The following DPYD variants were observed in gnomAD, a reference collection of about 807,000 sequenced individuals.
The protein encoded by DPYD is dihydropyrimidine dehydrogenase [NADP(+)].
DPYD carries 109 observed loss-of-function variants against 116.2 expected under a neutral mutation model. The observed-to-expected ratio is 0.94, with a 90% confidence interval of 0.80 to 1.10. The LOEUF is 1.10. Ranked by LOEUF, DPYD falls within the 50% of genes least tolerant of loss-of-function variation. The probability of loss-of-function intolerance (pLI) is 0.00; values close to 1 mark genes in which losing one functional copy is unlikely to be tolerated. For missense variants in DPYD, 1,302 were observed against 1,254.5 expected (o/e 1.04, Z -0.57); for synonymous variants, 440 against 432.0 (o/e 1.02, Z -0.23).
At chr1:97,501,469 G>C (rs954498714) in intron 13 of DPYD, among the ~76,000 whole-genome samples, 12 of 151,996 alleles carry the variant, frequency 7.9e-5, no homozygotes, top group African/African-American at 2.7e-4. Flanking sequence ...TGGAAGGCCA[G>C]CACAGGAGGA....
rs1238724137 is a variant in DPYD at position 97,140,942 on chromosome 1, C to A, written c.2623-42310G>T. On this transcript the variant is annotated intron_variant, in intron 20 of 22. Coordinates refer to ENST00000370192, the MANE Select transcript of DPYD (RefSeq NM_000110.4). ...TATAATACTGTTTTTTCCCAATAAT[C>A]AAGTAATTAATTTTTGTGTGATGAC... Among the ~76,000 whole-genome samples, 3 of 152,062 alleles carry A rather than the reference C, an allele frequency of 2.0e-5. No homozygotes were observed. In the East Asian group the frequency reaches 5.8e-4, roughly 29 times the overall value.
At chr1:97,137,946 A>C (rs537848309) in intron 20 of DPYD, among the ~76,000 whole-genome samples, 2 of 152,212 alleles carry the variant, frequency 1.3e-5, no homozygotes, top group Non-Finnish European at 2.9e-5. Context: ...AGTAATACTT[A>C]CATCTTGCTT....
intron 20 of DPYD, among the ~76,000 whole-genome samples, chr1:97,188,756 T>C (rs1391310265): frequency 2.0e-5 from 3 of 152,204 alleles, no homozygotes; most frequent in African/African-American, 7.2e-5. Flanking sequence ...CCATTACTCC[T>C]ACATGGTAGA....
chr1:97,086,045 GTTGTT>G (rs539020913), intron 21 of DPYD, among the ~76,000 whole-genome samples: 50 of 151,834 alleles, frequency 3.3e-4, no homozygotes, highest in African/African-American at 9.2e-4. Flanking sequence ...AAAAGTTGTC[GTTGTT>G]TTGTTTTGTT....
chr1:97,262,167 C>T (rs1281913975), intron 18 of DPYD, among the ~76,000 whole-genome samples: 1 of 151,834 alleles, frequency 6.6e-6, no homozygotes, highest in Non-Finnish European at 1.5e-5. Flanking sequence ...GTGTGAGCTC[C>T]GTAAGGGCAG....
intron 14 of DPYD, among the ~76,000 whole-genome samples, chr1:97,419,817 C>T (rs1270328173): frequency 1.3e-5 from 2 of 152,108 alleles, no homozygotes; most frequent in Non-Finnish European, 2.9e-5. Context: ...TCAAAGAGTG[C>T]ATGTATTCAA....
intron 18 of DPYD, among the ~76,000 whole-genome samples, chr1:97,277,256 T>C (rs1246284235): frequency 6.6e-6 from 1 of 151,696 alleles, no homozygotes; most frequent in Non-Finnish European, 1.5e-5. Context: ...ACTCACTGGG[T>C]ACTAAGCTCA....
chr1:97,661,061 T>C (rs759270415), intron 8 of DPYD, among the ~76,000 whole-genome samples: 1 of 152,212 alleles, frequency 6.6e-6, no homozygotes, highest in Non-Finnish European at 1.5e-5. Context: ...TGAGGTACCA[T>C]GGAAGTTTGA....
intron 7 of DPYD, among the ~76,000 whole-genome samples, chr1:97,689,446 T>A (rs1366564959): frequency 1.3e-5 from 2 of 152,030 alleles, no homozygotes; most frequent in African/African-American, 4.8e-5. Flanking sequence ...TTCTGAACAA[T>A]TATTTGTTGA....
intron 16 of DPYD, chr1:97,322,706 G>T (rs1288926543): frequency 6.6e-6 from 1 of 151,934 alleles, no homozygotes; most frequent in East Asian, 1.9e-4. Flanking sequence ...TAATCTTTCA[G>T]GTGTCAAGGA....
At chr1:97,645,598 A>T (rs1159153335) in intron 8 of DPYD, among the ~76,000 whole-genome samples, 1 of 151,990 alleles carries the variant, frequency 6.6e-6, no homozygotes, top group African/African-American at 2.4e-5. Context: ...CTGTTAATAT[A>T]TGTTTTCATG....
chr1:97,174,474 C>G (rs1480577084), intron 20 of DPYD, among the ~76,000 whole-genome samples: 1 of 152,190 alleles, frequency 6.6e-6, no homozygotes, highest in Non-Finnish European at 1.5e-5. Context: ...CAACTCCACA[C>G]CCAGCTGCTG....
chr1:97,889,584 C>T (rs950030157), intron 1 of DPYD, among the ~76,000 whole-genome samples: 9 of 151,964 alleles, frequency 5.9e-5, no homozygotes, highest in African/African-American at 2.2e-4. Flanking sequence ...CAATTATAAA[C>T]ATATATGTGC....
At chr1:97,825,671 G>A (rs914051184) in intron 3 of DPYD, among the ~76,000 whole-genome samples, 1 of 151,194 alleles carries the variant, frequency 6.6e-6, no homozygotes, top group Non-Finnish European at 1.5e-5. Context: ...TACCTAATGT[G>A]AATGACGAGT....
chr1:97,920,792 G>C, intron 1 of DPYD, 92 bp downstream of exon 1: 1 of 1,507,588 alleles, frequency 6.6e-7, no homozygotes, highest in Non-Finnish European at 9.0e-7. Context: ...CACTCTCCGG[G>C]GTGCGGGGGC....
intron 3 of DPYD, among the ~76,000 whole-genome samples, chr1:97,827,254 T>A (rs1215241168): frequency 1.3e-5 from 2 of 152,116 alleles, no homozygotes; most frequent in African/African-American, 4.8e-5. Flanking sequence ...AAATGAGCAT[T>A]AAGATAGAAG....
At chr1:97,201,698 G>A (rs147834591) in intron 19 of DPYD, among the ~76,000 whole-genome samples, 33 of 152,224 alleles carry the variant, frequency 2.2e-4, no homozygotes, top group African/African-American at 7.0e-4. Context: ...TGTTGGAGCT[G>A]TACAACATCA....
chr1:97,451,823 T>G (rs528085715), intron 13 of DPYD, among the ~76,000 whole-genome samples: 1 of 152,252 alleles, frequency 6.6e-6, no homozygotes, highest in African/African-American at 2.4e-5. Context: ...GTTCCAATTT[T>G]CAAGAGCCAT....
intron 14 of DPYD, among the ~76,000 whole-genome samples, chr1:97,391,548 A>G (rs1485725782): frequency 1.3e-5 from 2 of 151,880 alleles, no homozygotes; most frequent in Non-Finnish European, 2.9e-5. Context: ...GAGTTTTTCA[A>G]GTCTCTCTAG....
Sources: allele counts gnomAD v4.1 joint callset (sites outside exome capture counted in the v4.1 genomes callset), GRCh38; gene constraint gnomAD v4.1.1; transcripts MANE v1.5; gene names NCBI Gene and HGNC (gene_info 2026-07-23, HGNC 2026-07-21).